The following NRG1 variants were observed in gnomAD, a reference collection of about 807,000 sequenced individuals.
NRG1 encodes pro-neuregulin-1, membrane-bound isoform.
NRG1 carries 18 observed loss-of-function variants against 63.8 expected under a neutral mutation model. The observed-to-expected ratio is 0.28, with a 90% CI of 0.19 to 0.42. NRG1 has a LOEUF of 0.42. Among genes scored for constraint, NRG1 ranks in the 10% least tolerant of loss-of-function variants. The probability of loss-of-function intolerance (pLI) is 1.00; values close to 1 mark genes in which losing one functional copy is unlikely to be tolerated. For missense variants in NRG1, 762 were observed against 814.7 expected (o/e 0.94, Z 0.79); for synonymous variants, 302 against 301.3 (o/e 1.00, Z -0.02).
intron 8 of NRG1, among the ~76,000 whole-genome samples, chr8:32,755,874 C>A (rs556392196): frequency 3.3e-5 from 5 of 152,130 alleles, no homozygotes; most frequent in South Asian, 2.1e-4. Context: ...TCCCGAGTAG[C>A]TGGGACGACA....
chr8:32,336,951 G>A (rs890833906), intron 1 of NRG1, among the ~76,000 whole-genome samples: 5 of 152,096 alleles, frequency 3.3e-5, no homozygotes, highest in African/African-American at 1.2e-4. Context: ...GAAGCCATTT[G>A]AGGGATTTCA....
intron 1 of NRG1, among the ~76,000 whole-genome samples, chr8:31,648,051 A>G (rs527343738): frequency 3.3e-5 from 5 of 150,004 alleles, no homozygotes; most frequent in African/African-American, 1.2e-4. Context: ...TTCATTAAAC[A>G]CTAACTCCCC....
At chr8:32,633,089 A>G (rs1291206366) in intron 5 of NRG1, among the ~76,000 whole-genome samples, 1 of 152,176 alleles carries the variant, frequency 6.6e-6, no homozygotes, top group Non-Finnish European at 1.5e-5. Context: ...TTTCTATGAA[A>G]TTAACACATT....
chr8:31,808,778 G>T (rs1822548440), intron 1 of NRG1, among the ~76,000 whole-genome samples: 2 of 152,016 alleles, frequency 1.3e-5, no homozygotes, highest in East Asian at 1.9e-4. Context: ...TAAATAATCA[G>T]ATATTAAATC....
chr8:31,711,161 G>T (rs1186983589), intron 1 of NRG1, among the ~76,000 whole-genome samples: 1 of 151,906 alleles, frequency 6.6e-6, no homozygotes, highest in Non-Finnish European at 1.5e-5. Flanking sequence ...AATTTTACCA[G>T]TTCTGCTTGG....
chr8:32,461,679 C>T (rs376068115), intron 1 of NRG1, among the ~76,000 whole-genome samples: 34 of 152,116 alleles, frequency 2.2e-4, no homozygotes, highest in African/African-American at 7.9e-4. Context: ...GCGACAAAAG[C>T]GAGACTCTGT....
At chr8:31,842,612 A>G (rs1402050078) in intron 1 of NRG1, among the ~76,000 whole-genome samples, 1 of 151,910 alleles carries the variant, frequency 6.6e-6, no homozygotes, top group Non-Finnish European at 1.5e-5. Flanking sequence ...CACTTTTATC[A>G]CATATTACTC....
At chr8:31,962,947 C>T (rs917640496) in intron 1 of NRG1, among the ~76,000 whole-genome samples, 1 of 152,166 alleles carries the variant, frequency 6.6e-6, no homozygotes, top group Non-Finnish European at 1.5e-5. Context: ...AGAAAAGAGA[C>T]ATAAGTAGAA....
chr8:31,868,881 A>AT (rs1829232609), intron 1 of NRG1, among the ~76,000 whole-genome samples: 1 of 152,238 alleles, frequency 6.6e-6, no homozygotes, highest in Admixed American at 6.5e-5. Context: ...TCCATGGTCT[A>AT]TGCACTTAGC....
chr8:31,711,277 G>A (rs541017208), intron 1 of NRG1, among the ~76,000 whole-genome samples: 48 of 152,150 alleles, frequency 3.2e-4, no homozygotes, highest in Non-Finnish European at 4.7e-4. Context: ...TACTACTGTC[G>A]TCAAGAAAGA....
chr8:32,107,325 A>G (rs1367942577), intron 1 of NRG1, among the ~76,000 whole-genome samples: 2 of 152,210 alleles, frequency 1.3e-5, no homozygotes, highest in East Asian at 1.9e-4. Context: ...TCTAAGTACT[A>G]TTAGACATTT....
chr8:32,344,453 GTGTGTC>G (rs1804588803), intron 1 of NRG1, among the ~76,000 whole-genome samples: 1 of 137,352 alleles, frequency 7.3e-6, no homozygotes, highest in African/African-American at 2.9e-5. Flanking sequence ...GTGTGTGTGT[GTGTGTC>G]TCACTCTGCT....
At chr8:31,857,508 T>G (rs1224936147) in intron 1 of NRG1, among the ~76,000 whole-genome samples, 1 of 152,184 alleles carries the variant, frequency 6.6e-6, no homozygotes, top group African/African-American at 2.4e-5. Context: ...CTGCGCCCAC[T>G]GTCTGGCACT....
At chr8:31,732,312 T>C (rs1814170133) in intron 1 of NRG1, among the ~76,000 whole-genome samples, 1 of 152,142 alleles carries the variant, frequency 6.6e-6, no homozygotes, top group African/African-American at 2.4e-5. Flanking sequence ...ACTTCACTCA[T>C]TGAAAGCAGC....
At chr8:31,713,261 C>T (rs113144997) in intron 1 of NRG1, among the ~76,000 whole-genome samples, 350 of 151,794 alleles carry the variant, frequency 2.3e-3, no homozygotes, top group African/African-American at 7.1e-3. Context: ...GGACTACAGG[C>T]GCCCACCACC....
At chr8:32,342,426 G>C (rs1039655449) in intron 1 of NRG1, among the ~76,000 whole-genome samples, 1 of 152,178 alleles carries the variant, frequency 6.6e-6, no homozygotes, top group Non-Finnish European at 1.5e-5. Context: ...TCTTTTGCAA[G>C]TGTTTCATTT....
chr8:32,092,222 G>A (rs1829265611), intron 1 of NRG1, among the ~76,000 whole-genome samples: 1 of 151,998 alleles, frequency 6.6e-6, no homozygotes, highest in Admixed American at 6.6e-5. Context: ...ACTCTGGGAA[G>A]CTGAAGCAAG....
intron 1 of NRG1, among the ~76,000 whole-genome samples, chr8:32,210,020 A>C (rs1440895519): frequency 2.6e-5 from 4 of 152,158 alleles, no homozygotes; most frequent in Non-Finnish European, 5.9e-5. Flanking sequence ...TCTGTAAATA[A>C]ATTTCTTCAG....
At chr8:31,948,397 T>C (rs1802954773) in intron 1 of NRG1, among the ~76,000 whole-genome samples, 2 of 152,154 alleles carry the variant, frequency 1.3e-5, no homozygotes, top group South Asian at 4.1e-4. Context: ...ATAATCTACT[T>C]GGAAGGCTTT....
Sources: allele counts gnomAD v4.1 joint callset (sites outside exome capture counted in the v4.1 genomes callset), GRCh38; gene constraint gnomAD v4.1.1; transcripts MANE v1.5; gene names NCBI Gene and HGNC (gene_info 2026-07-23, HGNC 2026-07-21).